SEMA6D: variants seen among roughly 807,000 people sequenced by gnomAD.
SEMA6D encodes semaphorin-6D.
Under a neutral mutation model 106.6 loss-of-function variants are expected in SEMA6D, and 35 were observed. The observed-to-expected ratio is 0.33, with a 90% CI of 0.25 to 0.44. The LOEUF (loss-of-function observed/expected upper bound fraction) is 0.44. Ranked by LOEUF, SEMA6D falls within the 20% of genes least tolerant of loss-of-function variation. The pLI, the probability that SEMA6D is intolerant of heterozygous loss-of-function variation, is 1.00. For missense variants in SEMA6D, 1,185 were observed against 1,345.9 expected (o/e 0.88, Z 1.87); for synonymous variants, 499 against 487.7 (o/e 1.02, Z -0.31).
At chr15:47,685,976 G>A (rs1392389854) in intron 4 of SEMA6D, among the ~76,000 whole-genome samples, 3 of 152,182 alleles carry the variant, frequency 2.0e-5, no homozygotes, top group Non-Finnish European at 4.4e-5. Context: ...AGAGCCCACT[G>A]GAGAGCAGGT....
At chr15:47,433,202 C>A (rs1175978674) in intron 2 of SEMA6D, among the ~76,000 whole-genome samples, 1 of 151,990 alleles carries the variant, frequency 6.6e-6, no homozygotes, top group African/African-American at 2.4e-5. Context: ...TTGTTAATTT[C>A]TGTTGCTGAG....
intron 1 of SEMA6D, among the ~76,000 whole-genome samples, chr15:47,742,795 G>T (rs1282301619): frequency 6.6e-6 from 1 of 152,134 alleles, no homozygotes; most frequent in Non-Finnish European, 1.5e-5. Context: ...TTGTAATCCT[G>T]CCTTGTCCCT....
intron 1 of SEMA6D, among the ~76,000 whole-genome samples, chr15:47,302,124 C>T (rs867411529): frequency 6.6e-6 from 1 of 152,108 alleles, no homozygotes; most frequent in South Asian, 2.1e-4. Flanking sequence ...GTTAAAGAAA[C>T]TGAGGCTCAG....
intron 2 of SEMA6D, among the ~76,000 whole-genome samples, chr15:47,470,213 T>C (rs913822456): frequency 2.0e-5 from 3 of 152,178 alleles, no homozygotes; most frequent in African/African-American, 4.8e-5. Context: ...CATGTCCTTG[T>C]TCCACCTAAT....
chr15:47,508,993 C>T (rs1181576089), intron 3 of SEMA6D, among the ~76,000 whole-genome samples: 10 of 150,570 alleles, frequency 6.6e-5, no homozygotes, highest in African/African-American at 2.4e-4. Flanking sequence ...ATTTTTTTTT[C>T]AAACAGAGCC....
chr15:47,723,933 C>T (rs1041031589), intron 1 of SEMA6D, among the ~76,000 whole-genome samples: 1 of 152,200 alleles, frequency 6.6e-6, no homozygotes, highest in Non-Finnish European at 1.5e-5. Flanking sequence ...GGAGTTTCTA[C>T]TCAGCTGAGG....
chr15:47,397,813 A>G (rs2040267651), intron 1 of SEMA6D: 1 of 152,314 alleles, frequency 6.6e-6, no homozygotes, highest in East Asian at 1.9e-4. Flanking sequence ...GAGCTTCATA[A>G]GCAATTTCCA....
chr15:47,462,282 A>G (rs2042537168), intron 2 of SEMA6D, among the ~76,000 whole-genome samples: 1 of 152,138 alleles, frequency 6.6e-6, no homozygotes, highest in South Asian at 2.1e-4. Context: ...TTCACCAACA[A>G]GATTTTTAAT....
intron 4 of SEMA6D, among the ~76,000 whole-genome samples, chr15:47,681,031 C>T (rs2078341899): frequency 2.0e-5 from 3 of 152,162 alleles, no homozygotes; most frequent in Admixed American, 2.0e-4. Flanking sequence ...ATAGAGATTC[C>T]TCAACAAACT....
rs148486620 is a variant in SEMA6D at position 47,364,990 on chromosome 15, T to C, written c.-238-47403T>C. On this transcript the variant is annotated intron_variant, in intron 1 of 19. Transcript: ENST00000558014. ...CTTATCTTTATCTCCACAGCATCCA[T>C]CAAGTACAAGCATCTGAGAGATGGC... Among the ~76,000 whole-genome samples the C allele has an allele frequency of 3.7e-4, 57 of 152,226 alleles. No homozygotes were observed. The East Asian group carries it at 0.01, about 27-fold the overall frequency.
chr15:47,485,751 T>G (rs890560176), intron 3 of SEMA6D, among the ~76,000 whole-genome samples: 2 of 152,206 alleles, frequency 1.3e-5, no homozygotes, highest in Non-Finnish European at 2.9e-5. Context: ...TATGGCTGTC[T>G]GTGCCATATT....
intron 1 of SEMA6D, among the ~76,000 whole-genome samples, chr15:47,329,110 C>A (rs73401063): frequency 0.01 from 1,550 of 152,210 alleles, 24 homozygotes; most frequent in African/African-American, 0.036. Flanking sequence ...GCTGGCCATA[C>A]GCAGCTGAAC....
At chr15:47,362,633 G>A (rs1304816803) in intron 1 of SEMA6D, among the ~76,000 whole-genome samples, 11 of 152,140 alleles carry the variant, frequency 7.2e-5, no homozygotes, top group Admixed American at 7.2e-4. Flanking sequence ...TAATCAGTGG[G>A]AAGAGAGCAG....
chr15:47,649,652 A>G (rs529602049), intron 4 of SEMA6D, among the ~76,000 whole-genome samples: 1 of 152,292 alleles, frequency 6.6e-6, no homozygotes, highest in African/African-American at 2.4e-5. Flanking sequence ...GACCCTGTCT[A>G]GAAAGAGAGG....
chr15:47,283,923 G>T (rs927698925), intron 1 of SEMA6D, among the ~76,000 whole-genome samples: 16 of 152,138 alleles, frequency 1.1e-4, no homozygotes, highest in Admixed American at 3.9e-4. Flanking sequence ...GAAGTCCTGG[G>T]TGTATAACCT....
At chr15:47,352,680 T>G (rs2038371481) in intron 1 of SEMA6D, among the ~76,000 whole-genome samples, 1 of 152,206 alleles carries the variant, frequency 6.6e-6, no homozygotes, top group Non-Finnish European at 1.5e-5. Flanking sequence ...CACCTCCAGT[T>G]CATGAGATAA....
chr15:47,593,452 C>A (rs2076479255), intron 3 of SEMA6D, among the ~76,000 whole-genome samples: 1 of 141,576 alleles, frequency 7.1e-6, no homozygotes, highest in Non-Finnish European at 1.5e-5. Context: ...ACCGTCAATC[C>A]AAACAGAGAA....
intron 1 of SEMA6D, among the ~76,000 whole-genome samples, chr15:47,314,160 T>G (rs2143204109): frequency 6.6e-6 from 1 of 152,332 alleles, no homozygotes; most frequent in African/African-American, 2.4e-5. Context: ...TTATATAATC[T>G]TAATTTTCCT....
At chr15:47,694,622 G>A (rs1458548932) in intron 4 of SEMA6D, among the ~76,000 whole-genome samples, 5 of 151,966 alleles carry the variant, frequency 3.3e-5, no homozygotes, top group Non-Finnish European at 7.4e-5. Context: ...CAGGCCTGTG[G>A]CTTAGCTGTG....
Sources: gnomAD v4.1 joint callset for allele counts (sites outside exome capture counted in the v4.1 genomes callset) on GRCh38, gnomAD v4.1.1 for gene constraint, MANE v1.5 for transcripts, NCBI Gene and HGNC (gene_info 2026-07-23, HGNC 2026-07-21) for gene names.